Variants in ACVR1 observed in about 807,000 individuals in gnomAD.
ACVR1 encodes the protein activin receptor type-1.
Under a neutral mutation model 57.1 loss-of-function variants are expected in ACVR1, and 38 were observed. The observed-to-expected ratio is 0.67, with a 90% CI of 0.51 to 0.87. ACVR1 has a LOEUF of 0.87. Among genes scored for constraint, ACVR1 ranks in the 40% least tolerant of loss-of-function variants. The probability of loss-of-function intolerance (pLI) is 0.00; values close to 1 mark genes in which losing one functional copy is unlikely to be tolerated. For missense variants in ACVR1, 463 were observed against 638.2 expected (o/e 0.73, Z 2.96); for synonymous variants, 212 against 228.1 (o/e 0.93, Z 0.63).
chr2:157,758,702 C>A (rs1188597587), intron 9 of ACVR1, among the ~76,000 whole-genome samples: 1 of 151,958 alleles, frequency 6.6e-6, no homozygotes, highest in African/African-American at 2.4e-5. Flanking sequence ...CCAAATGGAC[C>A]TAACAGGCAC....
intron 7 of ACVR1, among the ~76,000 whole-genome samples, chr2:157,768,700 A>G (rs1194214197): frequency 6.6e-6 from 1 of 152,130 alleles, no homozygotes; most frequent in African/African-American, 2.4e-5. Context: ...ACTTTTATAG[A>G]ATGTTTGTGT....
chr2:157,747,293 G>A (rs1462569455), intron 9 of ACVR1, among the ~76,000 whole-genome samples: 3 of 152,166 alleles, frequency 2.0e-5, no homozygotes, highest in Non-Finnish European at 4.4e-5. Flanking sequence ...TTGGCAATAT[G>A]TGTCAAGCCA....
At chr2:157,774,655 C>A (rs1288400469) in intron 5 of ACVR1, among the ~76,000 whole-genome samples, 1 of 152,214 alleles carries the variant, frequency 6.6e-6, no homozygotes, top group Non-Finnish European at 1.5e-5. Context: ...TGAGCCACCA[C>A]GCCTGGCCAG....
At chr2:157,869,852 T>C (rs1246032013) in intron 1 of ACVR1, among the ~76,000 whole-genome samples, 1 of 152,186 alleles carries the variant, frequency 6.6e-6, no homozygotes, top group Non-Finnish European at 1.5e-5. Flanking sequence ...AAAAGGAAGG[T>C]GTCACTCTAG....
At chr2:157,868,262 A>T (rs71421054) in intron 1 of ACVR1, among the ~76,000 whole-genome samples, 355 of 152,096 alleles carry the variant, frequency 2.3e-3, no homozygotes, top group Middle Eastern at 6.8e-3. Flanking sequence ...AGGTGGGTGA[A>T]TCACGAGGTC....
intron 3 of ACVR1, among the ~76,000 whole-genome samples, chr2:157,796,884 C>G (rs1687143067): frequency 6.6e-6 from 1 of 152,118 alleles, no homozygotes; most frequent in South Asian, 2.1e-4. Context: ...GGATCCCTTC[C>G]CCATACCTTC....
At chr2:157,766,331 A>G (rs978415345) in intron 7 of ACVR1, 135 bp from the exon 8 acceptor site, 8 of 877,984 alleles carry the variant, frequency 9.1e-6, no homozygotes, top group Non-Finnish European at 1.4e-5. Context: ...CCCTAAGAGG[A>G]GGTTTACAGA....
chr2:157,864,263 G>A (rs1689838477), intron 1 of ACVR1, among the ~76,000 whole-genome samples: 1 of 151,614 alleles, frequency 6.6e-6, no homozygotes, highest in Admixed American at 6.6e-5. Context: ...CCTGTATGGG[G>A]TACAGTGGCA....
At chr2:157,801,105 T>A (rs985974953) in intron 2 of ACVR1, among the ~76,000 whole-genome samples, 1 of 152,212 alleles carries the variant, frequency 6.6e-6, no homozygotes, top group African/African-American at 2.4e-5. Flanking sequence ...CATTGAGCTA[T>A]GGAATGAAAT....
At chr2:157,864,959 T>TA (rs1193088070) in intron 1 of ACVR1, among the ~76,000 whole-genome samples, 18 of 150,832 alleles carry the variant, frequency 1.2e-4, no homozygotes, top group East Asian at 1.9e-4. Context: ...TTTTTTTTTT[T>TA]AAAAAGGTGA....
At chr2:157,801,342 G>A (rs1302763951) in intron 2 of ACVR1, among the ~76,000 whole-genome samples, 1 of 152,092 alleles carries the variant, frequency 6.6e-6, no homozygotes, top group Non-Finnish European at 1.5e-5. Context: ...GGTTATATTG[G>A]CTACTTACAG....
rs149015798 is a variant in ACVR1 at position 157,779,028 on chromosome 2, C to G, written c.332-686G>C. 2.0e-5 allele frequency among the ~76,000 whole-genome samples: 3 copies of G among 152,300 alleles called. No individual in the cohort carries two copies. The East Asian group carries it at 5.8e-4, about 29-fold the overall frequency. Reference sequence around the variant, plus strand: ...TATTTGTTTAACTTTCCAAGCCCAACTAATCAACAGCTTGGCATACATCAT... The same window carrying G: ...TATTTGTTTAACTTTCCAAGCCCAAGTAATCAACAGCTTGGCATACATCAT... On this transcript the variant is annotated intron_variant, in intron 4 of 10. Transcript: ENST00000434821.
chr2:157,845,608 C>T (rs113184466), intron 1 of ACVR1, among the ~76,000 whole-genome samples: 8 of 152,302 alleles, frequency 5.3e-5, no homozygotes, highest in African/African-American at 1.7e-4. Context: ...TTTCTTATGG[C>T]AGCCCTAGGA....
At chr2:157,787,402 C>T (rs1027194615) in intron 3 of ACVR1, among the ~76,000 whole-genome samples, 5 of 152,086 alleles carry the variant, frequency 3.3e-5, no homozygotes, top group Admixed American at 1.3e-4. Context: ...CAAGGCCTAC[C>T]GGGAACTGCC....
intron 1 of ACVR1, among the ~76,000 whole-genome samples, chr2:157,837,136 C>A (rs1559086173): frequency 6.6e-6 from 1 of 152,224 alleles, no homozygotes; most frequent in Non-Finnish European, 1.5e-5. Flanking sequence ...CTTTTCCCTT[C>A]CCCATGTATA....
chr2:157,768,334 A>G (rs2105263752), intron 7 of ACVR1, among the ~76,000 whole-genome samples: 1 of 152,304 alleles, frequency 6.6e-6, no homozygotes, highest in Non-Finnish European at 1.5e-5. Flanking sequence ...TTCTGCTTTA[A>G]CAGTTTGAAC....
intron 5 of ACVR1, among the ~76,000 whole-genome samples, chr2:157,777,016 CA>C (rs1289257308): frequency 6.6e-6 from 1 of 152,166 alleles, no homozygotes; most frequent in East Asian, 1.9e-4. Flanking sequence ...CCACAAATCT[CA>C]AATTTTTCAG....
intron 8 of ACVR1, 100 bp from the exon 9 acceptor site, chr2:157,761,177 G>A: frequency 1.8e-6 from 2 of 1,129,046 alleles, no homozygotes; most frequent in African/African-American, 1.5e-5. Flanking sequence ...GCCCTCTTGT[G>A]GATCCAGGGT....
intron 3 of ACVR1, among the ~76,000 whole-genome samples, chr2:157,783,876 G>A (rs1686616592): frequency 6.6e-6 from 1 of 152,064 alleles, no homozygotes; most frequent in African/African-American, 2.4e-5. Context: ...AAATATAAAT[G>A]AAGACCCTAA....
Sources: gnomAD v4.1 joint callset for allele counts (sites outside exome capture counted in the v4.1 genomes callset) on GRCh38, gnomAD v4.1.1 for gene constraint, MANE v1.5 for transcripts, NCBI Gene and HGNC (gene_info 2026-07-23, HGNC 2026-07-21) for gene names.